SPATA13: variants seen among roughly 807,000 people sequenced by gnomAD.
SPATA13 encodes the protein spermatogenesis-associated protein 13.
In SPATA13, 50 loss-of-function variants were observed where a neutral mutation model predicts 104.0. The ratio of observed to expected loss-of-function variants is 0.48; its 90% CI spans 0.38 to 0.61. The LOEUF (loss-of-function observed/expected upper bound fraction) is 0.61. SPATA13 is among the 20% of genes least tolerant of loss of function. The probability of loss-of-function intolerance (pLI) is 0.00; values close to 1 mark genes in which losing one functional copy is unlikely to be tolerated. For synonymous variants in SPATA13, 606 were observed against 667.5 expected (o/e 0.91, Z 1.42); for missense variants, 1,524 against 1,690.6 (o/e 0.90, Z 1.73).
intron 4 of SPATA13, among the ~76,000 whole-genome samples, chr13:24,282,416 C>T (rs981865537): frequency 2.0e-4 from 31 of 152,250 alleles, no homozygotes; most frequent in African/African-American, 7.0e-4. Flanking sequence ...CTTCAGCCAG[C>T]CCTCTGTCCT....
At chr13:24,119,787 C>G (rs180684162) in intron 3 of SPATA13, among the ~76,000 whole-genome samples, 1 of 152,318 alleles carries the variant, frequency 6.6e-6, no homozygotes, top group East Asian at 1.9e-4. Flanking sequence ...CCTGGGAGAG[C>G]TTCCCAAGGC....
intron 2 of SPATA13, among the ~76,000 whole-genome samples, chr13:24,234,425 T>C (rs1389885000): frequency 1.3e-5 from 2 of 152,142 alleles, no homozygotes; most frequent in African/African-American, 4.8e-5. Context: ...TTTCTCCTCT[T>C]CTATATTTCT....
At chr13:24,057,280 A>G (rs1306155809) in intron 3 of SPATA13, among the ~76,000 whole-genome samples, 1 of 150,100 alleles carries the variant, frequency 6.7e-6, no homozygotes, top group Non-Finnish European at 1.5e-5. Context: ...GGGAAATGGA[A>G]CTTCTTAATC....
intron 2 of SPATA13, among the ~76,000 whole-genome samples, chr13:24,245,093 C>G (rs550512925): frequency 2.0e-5 from 3 of 152,120 alleles, no homozygotes; most frequent in Non-Finnish European, 4.4e-5. Flanking sequence ...CATGGCTATG[C>G]CCAGCTGCAT....
Position 24,264,992 on chromosome 13 carries a change from T to C in SPATA13, c.2164+13130T>C, listed in dbSNP as rs13378215. On this transcript the variant is annotated intron_variant, in intron 4 of 12. Transcript: ENST00000382108. Reference sequence around the variant, plus strand: ...TCATTGAAGCCGCTGAGAGCACATATTCGCTGGTTTTGTGTGTTCAGGTCC... The same window carrying C: ...TCATTGAAGCCGCTGAGAGCACATACTCGCTGGTTTTGTGTGTTCAGGTCC... 8.1e-3 allele frequency among the ~76,000 whole-genome samples: 1,230 copies of C among 152,322 alleles called. 14 individuals are homozygous for C. The highest frequency in any genetic ancestry group is 0.028 in the African/African-American group (1,167 of 41,566).
chr13:24,073,904 A>G (rs1210712622), intron 3 of SPATA13, among the ~76,000 whole-genome samples: 1 of 152,176 alleles, frequency 6.6e-6, no homozygotes, highest in East Asian at 1.9e-4. Context: ...ACATAAATGG[A>G]AATTCTTGGA....
chr13:24,022,988 G>A lies in SPATA13; in HGVS notation c.-112+5287G>A, dbSNP rs189634007. On this transcript the variant is annotated intron_variant, in intron 3 of 14. Transcript: ENST00000424834. ...AAGTTCTAGGGTACATGTGCACAGC[G>A]TGCAAGCTCGTTACATAGGTATACA... Among the ~76,000 whole-genome samples the A allele has an allele frequency of 1.9e-4, 29 of 151,778 alleles. No individual in the cohort carries two copies. The South Asian group carries it at 3.7e-3, about 20-fold the overall frequency.
At position 24,167,151 on chromosome 13, in the gene SPATA13, T is replaced by A. The variant is rs145437784; in HGVS notation, c.-112+6219T>A. ...GGGAACCACTGTCATAGGTGAGGAT[T>A]CCATGAATTGATCCTTGTAAAATGC... On this transcript the variant is annotated intron_variant, in intron 1 of 12. Coordinates refer to ENST00000382108, the MANE Select transcript of SPATA13 (RefSeq NM_001166271.3). 3.9e-5 allele frequency among the ~76,000 whole-genome samples: 6 copies of A among 152,298 alleles called. No individual in the cohort carries two copies. The East Asian group carries it at 1.2e-3, about 29-fold the overall frequency.
chr13:24,147,302 C>T (rs767716496), intron 3 of SPATA13, among the ~76,000 whole-genome samples: 5 of 152,178 alleles, frequency 3.3e-5, no homozygotes, highest in Non-Finnish European at 7.3e-5. Context: ...TGGGCCATGA[C>T]AGTGAGTGTA....
At chr13:24,115,264 G>T (rs1398925962) in intron 3 of SPATA13, among the ~76,000 whole-genome samples, 1 of 152,202 alleles carries the variant, frequency 6.6e-6, no homozygotes, top group Non-Finnish European at 1.5e-5. Flanking sequence ...AGTGACTCTA[G>T]CCATGTCCAT....
At chr13:24,084,346 G>C (rs1879651127) in intron 3 of SPATA13, among the ~76,000 whole-genome samples, 1 of 152,310 alleles carries the variant, frequency 6.6e-6, no homozygotes, top group South Asian at 2.1e-4. Context: ...CTGAGCCCGC[G>C]CATGATGGAG....
chr13:24,156,169 C>T (rs147125926), upstream of SPATA13, among the ~76,000 whole-genome samples: 161 of 152,200 alleles, frequency 1.1e-3, no homozygotes, highest in African/African-American at 3.8e-3. Context: ...TGTTCGAGTC[C>T]CTGCTTTCAG....
At chr13:24,164,913 CT>C (rs2138493306) in intron 1 of SPATA13, among the ~76,000 whole-genome samples, 1 of 152,322 alleles carries the variant, frequency 6.6e-6, no homozygotes, top group South Asian at 2.1e-4. Context: ...AGCCGTCGCG[CT>C]AACTTCGGGG....
chr13:24,251,665 C>T, intron 3 of SPATA13, 53 bp from the exon 4 acceptor site: 4 of 1,602,106 alleles, frequency 2.5e-6, no homozygotes, highest in Non-Finnish European at 2.6e-6. Context: ...GAGGTGCTTG[C>T]AAGAGCTGCC....
chr13:24,300,316 A>G (rs1016000819), intron 11 of SPATA13, 85 bp from the exon 12 acceptor site: 2 of 1,033,892 alleles, frequency 1.9e-6, no homozygotes, highest in South Asian at 1.5e-5. Context: ...GATAACCTCA[A>G]TGCTGATATG....
At chr13:23,997,526 T>C (rs539591741) in intron 2 of SPATA13, among the ~76,000 whole-genome samples, 1 of 139,072 alleles carries the variant, frequency 7.2e-6, no homozygotes, top group South Asian at 2.3e-4. Flanking sequence ...TTTTCATTGC[T>C]TAGTAGTTAT....
In SPATA13 at chr13:24,302,926, C is replaced by A; in HGVS notation, c.*153C>A. Reference sequence around the variant, plus strand: ...GGAGAGAAGGTCTTGGAATCACCTTCAGTCTTTGGAGACCCAGCTGCCTTT... The same window carrying A: ...GGAGAGAAGGTCTTGGAATCACCTTAAGTCTTTGGAGACCCAGCTGCCTTT... On this transcript the variant is annotated 3_prime_UTR_variant, in exon 13 of 13. Coordinates refer to ENST00000382108, the MANE Select transcript of SPATA13 (RefSeq NM_001166271.3). The A allele has an allele frequency of 1.0e-6, 1 of 963,044 alleles. No homozygotes were observed. The highest frequency in any genetic ancestry group is 1.5e-6 in the Non-Finnish European group (1 of 648,060). 59.7% of individuals were successfully genotyped at this position (963,044 alleles called of 1,614,324 possible).
chr13:24,201,441 A>G (rs554545039), intron 1 of SPATA13, among the ~76,000 whole-genome samples: 1 of 51,894 alleles, frequency 1.9e-5, no homozygotes, highest in South Asian at 1.5e-3. Context: ...GGTTGACATT[A>G]GAGTTCACTC....
chr13:24,246,828 A>C (rs976111633), intron 2 of SPATA13, among the ~76,000 whole-genome samples: 3 of 151,832 alleles, frequency 2.0e-5, no homozygotes, highest in African/African-American at 4.8e-5. Flanking sequence ...ACACCACTGC[A>C]CTCCAGCCTG....
Sources: gnomAD v4.1 joint callset for allele counts (sites outside exome capture counted in the v4.1 genomes callset) on GRCh38, gnomAD v4.1.1 for gene constraint, MANE v1.5 for transcripts, NCBI Gene and HGNC (gene_info 2026-07-23, HGNC 2026-07-21) for gene names.